DLG1: variants seen among roughly 807,000 people sequenced by gnomAD.
The protein encoded by DLG1 is discs large MAGUK scaffold protein 1.
DLG1 carries 42 observed loss-of-function variants against 123.4 expected under a neutral mutation model. That is an observed-to-expected ratio of 0.34 (90% confidence interval 0.27 to 0.44). The LOEUF (loss-of-function observed/expected upper bound fraction) is 0.44. Ranked by LOEUF, DLG1 falls within the 20% of genes least tolerant of loss-of-function variation. The pLI, the probability that DLG1 is intolerant of heterozygous loss-of-function variation, is 1.00. For missense variants in DLG1, 942 were observed against 1,082.6 expected, an observed-to-expected ratio of 0.87 and a Z score of 1.82; for synonymous variants, 317 against 356.2, an observed-to-expected ratio of 0.89 and a Z score of 1.24.
chr3:197,043,256 C>T lies in DLG1; in HGVS notation c.*1367G>A, dbSNP rs1721150305. On this transcript the variant is annotated 3_prime_UTR_variant, in exon 25 of 25. Coordinates refer to ENST00000667157, the MANE Select transcript of DLG1 (RefSeq NM_001366207.1). ...ACACACACATAAATGGGGCTTTTGC[C>T]TGCCTTCCTATTAATAAAAGGAGAA... The T allele has an allele frequency of 6.6e-6, 1 of 152,126 alleles. No individual in the cohort carries two copies. Among genetic ancestry groups the T allele is most frequent in the African/African-American group, 2.4e-5 (1 of 41,428 alleles). The allele number at this position is 152,126 out of a possible 1,614,324, so 9.4% of individuals were successfully genotyped here.
chr3:197,124,426 C>T (rs1013503703), intron 11 of DLG1, among the ~76,000 whole-genome samples: 5 of 152,114 alleles, frequency 3.3e-5, no homozygotes, highest in African/African-American at 7.2e-5. Context: ...AGGCACTTGC[C>T]ACCATGCCCG....
intron 5 of DLG1, among the ~76,000 whole-genome samples, chr3:197,158,461 TAAAAA>T (rs10573278): frequency 8.4e-6 from 1 of 118,750 alleles, no homozygotes; most frequent in Non-Finnish European, 1.7e-5. Context: ...CGTCTCTACT[TAAAAA>T]AAAAAAAAAA....
At chr3:197,197,476 C>T (rs1419082165) in intron 4 of DLG1, among the ~76,000 whole-genome samples, 1 of 152,184 alleles carries the variant, frequency 6.6e-6, no homozygotes, top group Non-Finnish European at 1.5e-5. Context: ...TGGTATGGTT[C>T]ACACAGGTGA....
Position 197,119,402 on chromosome 3 carries a change from T to C in DLG1, c.1286+8A>G, listed in dbSNP as rs1775063161. 1 of 1,591,908 alleles carries C rather than the reference T, an allele frequency of 6.3e-7. No individual in the cohort carries two copies. Among genetic ancestry groups the C allele is most frequent in the Non-Finnish European group, 8.6e-7 (1 of 1,167,290 alleles). On this transcript the variant is annotated splice_region_variant and intron_variant, in intron 12 of 24. Coordinates refer to ENST00000667157, the MANE Select transcript of DLG1 (RefSeq NM_001366207.1). ...TTATGTAAGAAGGATAAATGTTAAC[T>C]TCCTTACCTTGTAATTTCATCATCT...
At chr3:197,126,268 G>A (rs1779041635) in intron 11 of DLG1, among the ~76,000 whole-genome samples, 1 of 152,072 alleles carries the variant, frequency 6.6e-6, no homozygotes, top group Non-Finnish European at 1.5e-5. Flanking sequence ...CTGAGGTCGG[G>A]AGTTCGAGAC....
At chr3:197,158,435 C>G (rs1797286573) in intron 5 of DLG1, among the ~76,000 whole-genome samples, 1 of 142,252 alleles carries the variant, frequency 7.0e-6, no homozygotes, top group South Asian at 2.2e-4. Context: ...CCAGTCTGAC[C>G]AACATGGAGA....
At chr3:197,078,812 TG>T (rs145226486) in intron 17 of DLG1, among the ~76,000 whole-genome samples, 2,066 of 152,314 alleles carry the variant, frequency 0.014, 24 homozygotes, top group African/African-American at 0.029. Context: ...ACAACTGATG[TG>T]TTTTTTATAA....
At chr3:197,252,993 AGAAACAG>A (rs1755203411) in intron 4 of DLG1, among the ~76,000 whole-genome samples, 1 of 152,182 alleles carries the variant, frequency 6.6e-6, no homozygotes, top group South Asian at 2.1e-4. Flanking sequence ...AAAAAACAGG[AGAAACAG>A]GAGAAAATTT....
chr3:197,136,815 C>A, intron 9 of DLG1, 137 bp from the exon 10 acceptor site: 3 of 699,778 alleles, frequency 4.3e-6, no homozygotes, highest in African/African-American at 1.8e-5. Context: ...TAGTTATCTA[C>A]TAGTATATGT....
intron 5 of DLG1, among the ~76,000 whole-genome samples, chr3:197,160,424 A>G (rs928592847): frequency 1.3e-5 from 2 of 151,816 alleles, no homozygotes; most frequent in Admixed American, 1.3e-4. Flanking sequence ...ATGTTACATT[A>G]TTATGATGCC....
chr3:197,153,902 A>G (rs1360472481), intron 5 of DLG1, among the ~76,000 whole-genome samples: 2 of 152,222 alleles, frequency 1.3e-5, no homozygotes, highest in East Asian at 3.8e-4. Context: ...GAAGAAGGAG[A>G]ATCTGATTTT....
Position 197,094,331 on chromosome 3 carries a change from C to T in DLG1, c.1547-3305G>A, listed in dbSNP as rs73891606. On this transcript the variant is annotated intron_variant, in intron 14 of 24. Coordinates refer to ENST00000667157, the MANE Select transcript of DLG1 (RefSeq NM_001366207.1). ...TCTCATGAAGCAACAGTAACTGGAG[C>T]ACAGTCTCACTATATGGTTTGTTCT... Among the ~76,000 whole-genome samples, 744 of 152,302 alleles carry T rather than the reference C, an allele frequency of 4.9e-3. 2 individuals are homozygous for T. The highest frequency in any genetic ancestry group is 0.017 in the African/African-American group (708 of 41,556).
At chr3:197,090,778 CA>C (rs1270059029) in intron 15 of DLG1, 133 bp downstream of exon 15, 1 of 486,236 alleles carries the variant, frequency 2.1e-6, no homozygotes, top group Non-Finnish European at 3.7e-6. Context: ...CAGAGAGAAT[CA>C]ATAATAAAAA....
chr3:197,297,300 G>A, intron 1 of DLG1, 65 bp from the exon 2 acceptor site: 1 of 1,585,718 alleles, frequency 6.3e-7, no homozygotes, highest in Non-Finnish European at 8.6e-7. Context: ...TTCCCCTATC[G>A]AAATAGAAAA....
intron 4 of DLG1, among the ~76,000 whole-genome samples, chr3:197,255,555 A>C (rs1756451802): frequency 6.6e-6 from 1 of 152,178 alleles, no homozygotes; most frequent in African/African-American, 2.4e-5. Flanking sequence ...ATGTACACAA[A>C]AGGACTTGTA....
At chr3:197,160,937 A>T (rs1798538629) in intron 5 of DLG1, among the ~76,000 whole-genome samples, 1 of 152,080 alleles carries the variant, frequency 6.6e-6, no homozygotes, top group Non-Finnish European at 1.5e-5. Context: ...TAATACCACT[A>T]CCATTATTTT....
chr3:197,132,352 ATTAACAATATTAACT>A (rs1783102118), intron 10 of DLG1, among the ~76,000 whole-genome samples: 1 of 151,692 alleles, frequency 6.6e-6, no homozygotes. Flanking sequence ...ATTACCATGT[ATTAACAATATTAACT>A]TTAATATATT....
At chr3:197,250,168 A>C (rs1027166707) in intron 4 of DLG1, among the ~76,000 whole-genome samples, 1 of 152,028 alleles carries the variant, frequency 6.6e-6, no homozygotes, top group Non-Finnish European at 1.5e-5. Flanking sequence ...AGACTTCACC[A>C]AAAAAAACTG....
At chr3:197,064,023 A>G (rs778021992) in intron 22 of DLG1, among the ~76,000 whole-genome samples, 2 of 150,916 alleles carry the variant, frequency 1.3e-5, no homozygotes, top group African/African-American at 2.4e-5. Flanking sequence ...CCTGGGTTCA[A>G]GCGATTCTCC....
Sources: gnomAD v4.1 joint callset for allele counts (sites outside exome capture counted in the v4.1 genomes callset) on GRCh38, gnomAD v4.1.1 for gene constraint, MANE v1.5 for transcripts, NCBI Gene and HGNC (gene_info 2026-07-23, HGNC 2026-07-21) for gene names.